The following CFH variants were observed in gnomAD, a reference collection of about 807,000 sequenced individuals.
CFH encodes complement factor H.
CFH carries 53 observed loss-of-function variants against 147.3 expected under a neutral mutation model. The observed-to-expected ratio is 0.36, with a 90% CI of 0.29 to 0.45. CFH has a LOEUF of 0.45. Ranked by LOEUF, CFH falls within the 20% of genes least tolerant of loss-of-function variation. The pLI is 1.00. For synonymous variants in CFH, 536 were observed against 489.4 expected (o/e 1.10, Z -1.26); for missense variants, 1,380 against 1,498.0 (o/e 0.92, Z 1.30).
chr1:196,677,697 T>C (rs1489620703), intron 5 of CFH, 30 bp downstream of exon 5: 2 of 1,596,912 alleles, frequency 1.3e-6, no homozygotes, highest in East Asian at 2.2e-5. Context: ...TTAGTATTTT[T>C]AGCTTTTTAA....
At chr1:196,662,071 A>G (rs577923736) in intron 1 of CFH, among the ~76,000 whole-genome samples, 74 of 152,274 alleles carry the variant, frequency 4.9e-4, no homozygotes, top group Non-Finnish European at 7.8e-4. Flanking sequence ...CCTCAGCCCT[A>G]TGTTTCAGAC....
Position 196,740,643 on chromosome 1 carries a change from A to G in CFH, c.2807A>G (p.Glu936Gly). The G allele has an allele frequency of 6.2e-7, 1 of 1,613,778 alleles. No homozygotes were observed. Among genetic ancestry groups the G allele is most frequent in the Non-Finnish European group, 8.5e-7 (1 of 1,179,916 alleles). The change falls in exon 18 of 22, where the codon GAG becomes GGG. Residue 936 changes from glutamate to glycine, a missense_variant. Physicochemically the swap from Glu to Gly is moderately conservative, Grantham distance 98 (BLOSUM62 -2). This residue lies in a region of CFH where 830 missense variants were observed against 821.4 expected (regional missense o/e 1.01). Coordinates refer to ENST00000367429, the MANE Select transcript of CFH (RefSeq NM_000186.4). ...GGCCTTCCTTGTAAATCTCCACCTG[A>G]GATTTCTCATGGTGTTGTAGCTCAC... Reference protein sequence around the residue: ...CEGLPCKSPPEISHGVVAHMS... With the variant: ...CEGLPCKSPPGISHGVVAHMS...
rs780329934 is a variant in CFH, at chr1:196,741,866, C to T, written c.2957-9C>T. Reference sequence around the variant, plus strand: ...TTTGCGGAACAAATACATATTTTTCCTATTTCAGAAACAGATTGTCTCAGT... The same window carrying T: ...TTTGCGGAACAAATACATATTTTTCTTATTTCAGAAACAGATTGTCTCAGT... On this transcript the variant is annotated splice_polypyrimidine_tract_variant and intron_variant, in intron 18 of 21. Transcript: ENST00000367429. 3 of 1,613,414 alleles carry T rather than the reference C, an allele frequency of 1.9e-6. No individual in the cohort carries two copies. The highest frequency in any genetic ancestry group is 1.1e-5 in the South Asian group (1 of 91,064).
chr1:196,698,348 A>G (rs1489849030), intron 9 of CFH, among the ~76,000 whole-genome samples: 2 of 152,132 alleles, frequency 1.3e-5, no homozygotes, highest in East Asian at 1.9e-4. Flanking sequence ...AGAAGAAAGG[A>G]CAGAAGAATC....
rs1281759634 is a variant in CFH, at chr1:196,737,491, A to C, written c.2613A>C (p.Ser871=). ...IPLCVEKIPC[S]QPPQIEHGTI... The stretch of plus-strand genomic sequence containing the variant: ...TTCATTTAGAAAAAATTCCATGTTC[A>C]CAACCACCTCAGATAGAACACGGAA... The change falls in exon 17 of 22, where the codon TCA becomes TCC. Residue 871 remains serine, a synonymous_variant. Transcript: ENST00000367429. The C allele has an allele frequency of 6.2e-7, 1 of 1,612,364 alleles. No homozygotes were observed. Among genetic ancestry groups the C allele is most frequent in the Admixed American group, 1.7e-5 (1 of 59,936 alleles).
intron 9 of CFH, among the ~76,000 whole-genome samples, chr1:196,706,532 G>A (rs1309387192): frequency 6.6e-6 from 1 of 152,208 alleles, no homozygotes; most frequent in Non-Finnish European, 1.5e-5. Context: ...AATGGAAGAA[G>A]ATGTAAAGAG....
intron 1 of CFH, among the ~76,000 whole-genome samples, chr1:196,669,204 A>G (rs1219618932): frequency 6.6e-6 from 1 of 152,150 alleles, no homozygotes; most frequent in Non-Finnish European, 1.5e-5. Flanking sequence ...CTGAAATTGG[A>G]ACTTATGTTT....
chr1:196,733,052 G>A (rs1305259369), intron 15 of CFH, among the ~76,000 whole-genome samples: 1 of 152,050 alleles, frequency 6.6e-6, no homozygotes, highest in Non-Finnish European at 1.5e-5. Flanking sequence ...TTGTTAAGGA[G>A]ACGATCTCTT....
At chr1:196,697,400 A>C (rs1488219652) in intron 9 of CFH, among the ~76,000 whole-genome samples, 1 of 152,240 alleles carries the variant, frequency 6.6e-6, no homozygotes, top group African/African-American at 2.4e-5. Flanking sequence ...AAGACACATG[A>C]AAAAATGCTC....
intron 9 of CFH, among the ~76,000 whole-genome samples, chr1:196,699,175 T>C (rs1194735460): frequency 6.6e-6 from 1 of 152,178 alleles, no homozygotes; most frequent in Admixed American, 6.6e-5. Flanking sequence ...CTTCACATAC[T>C]CAGTGTATGT....
chr1:196,672,037 T>A (rs1667299623), intron 1 of CFH, among the ~76,000 whole-genome samples: 1 of 152,048 alleles, frequency 6.6e-6, no homozygotes, highest in Non-Finnish European at 1.5e-5. Flanking sequence ...ATCCATTTTC[T>A]TATTGAGACT....
At chr1:196,706,880 G>A (rs1229522757) in intron 9 of CFH, among the ~76,000 whole-genome samples, 1 of 152,120 alleles carries the variant, frequency 6.6e-6, no homozygotes, top group African/African-American at 2.4e-5. Flanking sequence ...GATGCCAAGG[G>A]TAGCAGGAAA....
Position 196,730,071 on chromosome 1 carries a change from A to G in CFH, c.2413+1549A>G, listed in dbSNP as rs561334269. Among the ~76,000 whole-genome samples, 4 of 151,520 alleles carry G rather than the reference A, an allele frequency of 2.6e-5. No homozygotes were observed. In the Middle Eastern group the frequency reaches 0.01, roughly 387 times the overall value. ...TATTTTGTACTGCTTTGGGGGCTCT[A>G]TTTTACTTACTTTTACTCTGATCTT... is the stretch of plus-strand genomic sequence containing the variant. On this transcript the variant is annotated intron_variant, in intron 15 of 21. Coordinates refer to ENST00000367429, the MANE Select transcript of CFH (RefSeq NM_000186.4).
chr1:196,747,339 A>G lies in CFH; in HGVS notation c.*26A>G. The G allele has an allele frequency of 3.1e-6, 5 of 1,614,004 alleles. No individual in the cohort carries two copies. The highest frequency in any genetic ancestry group is 4.2e-6 in the Non-Finnish European group (5 of 1,179,858). On this transcript the variant is annotated 3_prime_UTR_variant, in exon 22 of 22. Coordinates refer to ENST00000367429, the MANE Select transcript of CFH (RefSeq NM_000186.4). The stretch of plus-strand genomic sequence containing the variant: ...AATCAATCATAAAGTGCACACCTTT[A>G]TTCAGAACTTTAGTATTAAATCAGT...
chr1:196,721,599 AG>A (rs1668999557), intron 11 of CFH, among the ~76,000 whole-genome samples: 1 of 151,826 alleles, frequency 6.6e-6, no homozygotes, highest in Admixed American at 6.6e-5. Flanking sequence ...TTTAAGTATG[AG>A]GTTTCTTTGT....
intron 11 of CFH, among the ~76,000 whole-genome samples, chr1:196,718,143 T>C (rs1043791068): frequency 6.6e-6 from 1 of 152,070 alleles, no homozygotes; most frequent in African/African-American, 2.4e-5. Flanking sequence ...ACACCTATCA[T>C]AGGACAGGAG....
intron 9 of CFH, among the ~76,000 whole-genome samples, chr1:196,709,824 C>T (rs1277773921): frequency 2.0e-5 from 3 of 151,998 alleles, no homozygotes; most frequent in Admixed American, 6.6e-5. Flanking sequence ...TACTGGTCAA[C>T]AAGGCAAAAC....
intron 9 of CFH, among the ~76,000 whole-genome samples, chr1:196,691,398 C>A (rs1478625861): frequency 1.3e-5 from 2 of 152,002 alleles, no homozygotes; most frequent in Non-Finnish European, 1.5e-5. Flanking sequence ...ACATTTATAT[C>A]AACAGTTACT....
At chr1:196,671,317 GT>G (rs1409338962) in intron 1 of CFH, among the ~76,000 whole-genome samples, 2 of 151,844 alleles carry the variant, frequency 1.3e-5, no homozygotes, top group African/African-American at 4.8e-5. Flanking sequence ...TTTGTTCACA[GT>G]TGTTTTTGCT....
Sources: allele counts gnomAD v4.1 joint callset (sites outside exome capture counted in the v4.1 genomes callset), GRCh38; gene constraint gnomAD v4.1.1; regional missense constraint gnomAD v4.1.1; transcripts MANE v1.5; gene names NCBI Gene and HGNC (gene_info 2026-07-23, HGNC 2026-07-21).